NRG3: variants seen among roughly 807,000 people sequenced by gnomAD.
The protein encoded by NRG3 is neuregulin 3, also known as pro-neuregulin-3, membrane-bound isoform.
NRG3 carries 31 observed loss-of-function variants against 66.9 expected under a neutral mutation model. The observed-to-expected ratio is 0.46, with a 90% confidence interval of 0.35 to 0.63. The LOEUF is 0.63. Among genes scored for constraint, NRG3 ranks in the 20% least tolerant of loss-of-function variants. The pLI is 0.00. For missense variants in NRG3, 910 were observed against 878.9 expected (o/e 1.04, Z -0.45); for synonymous variants, 393 against 359.4 (o/e 1.09, Z -1.06).
At chr10:82,072,293 C>T (rs17656252) in intron 1 of NRG3, among the ~76,000 whole-genome samples, 14,260 of 152,138 alleles carry the variant, frequency 0.094, 724 homozygotes, top group Non-Finnish European at 0.11. Context: ...TTTAAGTCAC[C>T]GGAAGAAGCG....
chr10:82,432,963 C>T (rs1754879990), intron 2 of NRG3, among the ~76,000 whole-genome samples: 2 of 152,044 alleles, frequency 1.3e-5, no homozygotes, highest in Non-Finnish European at 2.9e-5. Flanking sequence ...ATTTATATTC[C>T]TTTGGATATA....
intron 3 of NRG3, among the ~76,000 whole-genome samples, chr10:82,856,803 C>T (rs1168404077): frequency 6.7e-6 from 1 of 149,608 alleles, no homozygotes; most frequent in Non-Finnish European, 1.5e-5. Context: ...TAGAAGTGCC[C>T]AGTGACAAAA....
At chr10:82,348,440 G>A (rs1323042842) in intron 1 of NRG3, among the ~76,000 whole-genome samples, 1 of 149,838 alleles carries the variant, frequency 6.7e-6, no homozygotes, top group Non-Finnish European at 1.5e-5. Context: ...GAGATCCGCT[G>A]TTAGTCTGAT....
chr10:82,919,103 G>A (rs1008202283), intron 4 of NRG3, among the ~76,000 whole-genome samples: 2 of 148,946 alleles, frequency 1.3e-5, no homozygotes, highest in South Asian at 2.1e-4. Flanking sequence ...GTGTGTGTAT[G>A]TGTGTGTGTT....
intron 1 of NRG3, among the ~76,000 whole-genome samples, chr10:81,913,780 G>A (rs748625284): frequency 6.6e-6 from 1 of 152,126 alleles, no homozygotes; most frequent in African/African-American, 2.4e-5. Flanking sequence ...GATAAATAAC[G>A]AAAGCCACCG....
intron 2 of NRG3, among the ~76,000 whole-genome samples, chr10:82,646,765 A>G (rs532491956): frequency 5.3e-5 from 8 of 152,188 alleles, no homozygotes; most frequent in African/African-American, 1.7e-4. Context: ...GTGGGGGAGC[A>G]GAGATCAGAC....
intron 1 of NRG3, among the ~76,000 whole-genome samples, chr10:82,117,687 T>C (rs1391004966): frequency 6.6e-6 from 1 of 152,082 alleles, no homozygotes; most frequent in Non-Finnish European, 1.5e-5. Flanking sequence ...GAGTGTCTTG[T>C]GCAACTTGGG....
At chr10:82,973,028 C>G (rs1851913351) in intron 6 of NRG3, among the ~76,000 whole-genome samples, 1 of 152,098 alleles carries the variant, frequency 6.6e-6, no homozygotes, top group African/African-American at 2.4e-5. Context: ...AAGTCTTCAC[C>G]TGGAGTTTCT....
chr10:82,469,694 C>T (rs1468783840), intron 2 of NRG3, among the ~76,000 whole-genome samples: 1 of 152,118 alleles, frequency 6.6e-6, no homozygotes, highest in African/African-American at 2.4e-5. Flanking sequence ...CCTGGCCTTG[C>T]CGAAGATTTC....
chr10:81,967,752 T>C (rs1176288897), intron 1 of NRG3, among the ~76,000 whole-genome samples: 2 of 152,168 alleles, frequency 1.3e-5, no homozygotes, highest in African/African-American at 4.8e-5. Flanking sequence ...GAATTTTCCA[T>C]GTTGTTTAAA....
At chr10:82,473,014 G>A (rs1344311228) in intron 2 of NRG3, among the ~76,000 whole-genome samples, 5 of 152,182 alleles carry the variant, frequency 3.3e-5, no homozygotes, top group African/African-American at 4.8e-5. Flanking sequence ...GCCTGCTGCA[G>A]TTTCTAAAAA....
In NRG3 at chr10:81,875,742, C is replaced by A. The variant is rs199536504; in HGVS notation, c.402C>A (p.Thr134=). Reference sequence around the variant, plus strand: ...AGACCACCACCACTACCACTTCCACCACGTCCCCCGCCACCCCCTCCGCCG... The same window carrying A: ...AGACCACCACCACTACCACTTCCACAACGTCCCCCGCCACCCCCTCCGCCG... ...AMETTTTTTS[T]TSPATPSAGG... The change falls in exon 1 of 9, where the codon ACC becomes ACA. Residue 134 remains threonine, a synonymous_variant. Transcript: ENST00000372141. This position sits in a 1 kb window ranked among gnomAD's most constrained non-coding sequence, Gnocchi z 5.3. The A allele has an allele frequency of 2.5e-6, 4 of 1,613,020 alleles. No individual in the cohort carries two copies. In the East Asian group the frequency reaches 6.7e-5, roughly 27 times the overall value.
intron 1 of NRG3, among the ~76,000 whole-genome samples, chr10:82,162,447 G>T (rs543532335): frequency 6.6e-6 from 1 of 152,226 alleles, no homozygotes; most frequent in Admixed American, 6.5e-5. Context: ...GTTGTTCTGT[G>T]TGTCAAATAT....
chr10:82,652,919 T>C (rs969958727), intron 2 of NRG3, among the ~76,000 whole-genome samples: 4 of 152,206 alleles, frequency 2.6e-5, no homozygotes, highest in Non-Finnish European at 5.9e-5. Context: ...CAGCAATAAA[T>C]AACTAATACA....
At chr10:82,687,863 T>C (rs1483177044) in intron 2 of NRG3, among the ~76,000 whole-genome samples, 2 of 152,186 alleles carry the variant, frequency 1.3e-5, no homozygotes, top group Non-Finnish European at 2.9e-5. Context: ...CTTACTCTGG[T>C]TCTTTCAATG....
At chr10:82,156,471 C>A (rs1476448629) in intron 1 of NRG3, among the ~76,000 whole-genome samples, 1 of 151,598 alleles carries the variant, frequency 6.6e-6, no homozygotes, top group Non-Finnish European at 1.5e-5. Context: ...AAGTTCCTGG[C>A]AAGAACAGGT....
chr10:82,514,628 A>G (rs1845488667), intron 2 of NRG3, among the ~76,000 whole-genome samples: 1 of 152,000 alleles, frequency 6.6e-6, no homozygotes, highest in Non-Finnish European at 1.5e-5. Context: ...GTAGCCTTGT[A>G]TAGCTTGAAG....
At chr10:82,598,005 A>T (rs1395912397) in intron 2 of NRG3, among the ~76,000 whole-genome samples, 3 of 152,056 alleles carry the variant, frequency 2.0e-5, no homozygotes, top group Non-Finnish European at 4.4e-5. Flanking sequence ...TGATGATAAC[A>T]TGTGATTTGT....
chr10:82,678,090 G>GCA (rs2053847631), intron 2 of NRG3, among the ~76,000 whole-genome samples: 1 of 152,164 alleles, frequency 6.6e-6, no homozygotes, highest in Non-Finnish European at 1.5e-5. Context: ...TAGTGCTCAT[G>GCA]CTTGAGCCCA....
Sources: gnomAD v4.1 joint callset for allele counts (sites outside exome capture counted in the v4.1 genomes callset) on GRCh38, gnomAD v4.1.1 for gene constraint, Gnocchi (gnomAD v3.1) non-coding constraint, MANE v1.5 for transcripts, NCBI Gene and HGNC (gene_info 2026-07-23, HGNC 2026-07-21) for gene names.